The following NCAM1 variants were observed in gnomAD, a reference collection of about 807,000 sequenced individuals.
NCAM1 encodes antigen recognized by monoclonal antibody 5.1H11.
In NCAM1, 14 loss-of-function variants were observed where a neutral mutation model predicts 109.8. That is an observed-to-expected ratio of 0.13 (90% CI 0.08 to 0.20). NCAM1 has a LOEUF of 0.20. Among genes scored for constraint, NCAM1 ranks in the 10% least tolerant of loss-of-function variants. The pLI is 1.00. For missense variants in NCAM1, 774 were observed against 1,109.9 expected, an observed-to-expected ratio of 0.70 and a Z score of 4.30; for synonymous variants, 418 against 442.9, an observed-to-expected ratio of 0.94 and a Z score of 0.70.
At chr11:113,176,629 CA>C (rs1369212722) in intron 1 of NCAM1, among the ~76,000 whole-genome samples, 1 of 152,158 alleles carries the variant, frequency 6.6e-6, no homozygotes, top group Non-Finnish European at 1.5e-5. Flanking sequence ...CCATGGTTTT[CA>C]AAGGAGGTGT....
chr11:113,237,925 TATAG>T (rs56375000), intron 14 of NCAM1, among the ~76,000 whole-genome samples: 31,132 of 111,174 alleles, frequency 0.28, 4,070 homozygotes, highest in South Asian at 0.39. Context: ...GATATATAGA[TATAG>T]ATATATAGAT....
chr11:113,188,102 C>G (rs1943567861), intron 1 of NCAM1, among the ~76,000 whole-genome samples: 1 of 152,120 alleles, frequency 6.6e-6, no homozygotes, highest in African/African-American at 2.4e-5. Flanking sequence ...TTTGCCAGTC[C>G]TGTAACATAT....
At chr11:113,134,335 G>C (rs1209495275) in intron 1 of NCAM1, among the ~76,000 whole-genome samples, 1 of 151,920 alleles carries the variant, frequency 6.6e-6, no homozygotes, top group Non-Finnish European at 1.5e-5. Context: ...TTTTAAGTCT[G>C]AATAATATTT....
chr11:113,206,280 G>A, intron 5 of NCAM1, 100 bp downstream of exon 5: 1 of 1,271,466 alleles, frequency 7.9e-7, no homozygotes, highest in East Asian at 2.6e-5. Flanking sequence ...ATTAAATCCT[G>A]TCCTGACTCA....
chr11:113,092,293 T>G (rs1206366134), intron 1 of NCAM1, among the ~76,000 whole-genome samples: 1 of 152,204 alleles, frequency 6.6e-6, no homozygotes, highest in African/African-American at 2.4e-5. Context: ...GAAAGGATCT[T>G]TCCTGAGATT....
At chr11:113,231,242 C>T in intron 9 of NCAM1, 1 of 1,536,138 alleles carries the variant, frequency 6.5e-7, no homozygotes. Context: ...AAAGGACAGG[C>T]TGGCAGTGCA....
chr11:113,187,541 C>CTGTG lies in NCAM1; in HGVS notation c.53-14822_53-14819dup, dbSNP rs112338209. On this transcript the variant is annotated intron_variant, in intron 1 of 19. Coordinates refer to ENST00000316851, the MANE Select transcript of NCAM1 (RefSeq NM_181351.5). ...GTCTGATATTGTGTACACTGAGGAT[C>CTGTG]TGTGTGTGTGTGTGTGTGTTTCTGT... 6.7e-3 allele frequency among the ~76,000 whole-genome samples: 954 copies of CTGTG among 142,304 alleles called. 6 individuals are homozygous for CTGTG. Among genetic ancestry groups the CTGTG allele is most frequent in the African/African-American group, 0.023 (893 of 38,952 alleles). The allele number at this position is 142,304 out of a possible 152,430, so 93.4% of individuals were successfully genotyped here. A position where few individuals can be genotyped will look rare whatever the true frequency, so the allele number is the denominator to read the frequency against.
rs558189827 is a variant in NCAM1 at position 113,053,887 on chromosome 11, C to T, written c.52+92223C>T. Among the ~76,000 whole-genome samples, 16 of 152,260 alleles carry T rather than the reference C, an allele frequency of 1.1e-4. No individual in the cohort carries two copies. The South Asian group carries it at 1.9e-3, about 18-fold the overall frequency. On this transcript the variant is annotated intron_variant, in intron 1 of 19. Coordinates refer to ENST00000316851, the MANE Select transcript of NCAM1 (RefSeq NM_181351.5). ...CTGAGAGCCCCTTATCAAAAAAGAC[C>T]TCTTTGGTTTTCCCATGTCCGCCTT...
chr11:113,207,805 T>C (rs1555113104), intron 6 of NCAM1, 28 bp from the exon 7 acceptor site: 1 of 1,589,544 alleles, frequency 6.3e-7, no homozygotes, highest in Admixed American at 1.7e-5. Flanking sequence ...GTCGAAATCA[T>C]GCTACTTTGC....
At chr11:113,220,729 C>T (rs1555115141) in intron 8 of NCAM1, among the ~76,000 whole-genome samples, 1 of 151,494 alleles carries the variant, frequency 6.6e-6, no homozygotes, top group African/African-American at 2.4e-5. Context: ...GCCCCAGCCT[C>T]CCGAATAGCT....
In NCAM1 at chr11:113,159,134, C is replaced by T. The variant is rs147320111; in HGVS notation, c.53-43245C>T. 3.1e-3 allele frequency among the ~76,000 whole-genome samples: 473 copies of T among 152,116 alleles called. 1 individual carries two copies. Among genetic ancestry groups the T allele is most frequent in the Middle Eastern group, 0.017 (5 of 294 alleles). The stretch of plus-strand genomic sequence containing the variant: ...CATACTGATGCCTGTGAGATTTCCA[C>T]AAGATTAATCATCTAATATCATCGA... On this transcript the variant is annotated intron_variant, in intron 1 of 19. Coordinates refer to ENST00000316851, the MANE Select transcript of NCAM1 (RefSeq NM_181351.5).
chr11:113,004,437 A>C (rs552302996), intron 1 of NCAM1, among the ~76,000 whole-genome samples: 1 of 152,224 alleles, frequency 6.6e-6, no homozygotes, highest in Admixed American at 6.5e-5. Flanking sequence ...GGTTGCAGTG[A>C]GCCGAGATCG....
intron 1 of NCAM1, among the ~76,000 whole-genome samples, chr11:113,128,032 C>T (rs1419079261): frequency 6.6e-6 from 1 of 152,354 alleles, no homozygotes; most frequent in East Asian, 1.9e-4. Flanking sequence ...CTGGGGCCGA[C>T]AGTGTGGTCC....
At chr11:113,138,655 A>G (rs1359879137) in intron 1 of NCAM1, among the ~76,000 whole-genome samples, 2 of 152,208 alleles carry the variant, frequency 1.3e-5, no homozygotes, top group African/African-American at 2.4e-5. Flanking sequence ...TTGCATAATA[A>G]CACTCATATT....
At chr11:113,208,944 G>T (rs1375131836) in intron 7 of NCAM1, among the ~76,000 whole-genome samples, 1 of 152,216 alleles carries the variant, frequency 6.6e-6, no homozygotes, top group Non-Finnish European at 1.5e-5. Context: ...ACAGTGTCAT[G>T]GAAGAGCCCC....
At chr11:113,186,047 T>C (rs1181152099) in intron 1 of NCAM1, among the ~76,000 whole-genome samples, 6 of 152,226 alleles carry the variant, frequency 3.9e-5, no homozygotes, top group Admixed American at 3.9e-4. Flanking sequence ...TTTCAGGTTA[T>C]TTCAGCAACT....
intron 1 of NCAM1, among the ~76,000 whole-genome samples, chr11:112,979,684 T>C (rs1231399596): frequency 6.6e-6 from 1 of 151,838 alleles, no homozygotes; most frequent in Non-Finnish European, 1.5e-5. Flanking sequence ...TTTGATTATA[T>C]GGCATTTAGC....
At chr11:113,262,707 C>G in intron 17 of NCAM1, 1 of 905,026 alleles carries the variant, frequency 1.1e-6, no homozygotes, top group Non-Finnish European at 1.6e-6. Context: ...TCTCTACCTT[C>G]CCTTTCCTTC....
At chr11:113,072,931 G>A (rs894075248) in intron 1 of NCAM1, among the ~76,000 whole-genome samples, 8 of 150,152 alleles carry the variant, frequency 5.3e-5, no homozygotes, top group Admixed American at 6.6e-5. Context: ...CCATAGTGTT[G>A]TACAACTCCC....
Sources: allele counts gnomAD v4.1 joint callset (sites outside exome capture counted in the v4.1 genomes callset), GRCh38; gene constraint gnomAD v4.1.1; transcripts MANE v1.5; gene names NCBI Gene and HGNC (gene_info 2026-07-23, HGNC 2026-07-21).